Variants in HECTD2 observed in about 807,000 individuals in gnomAD.
HECTD2 encodes HECT domain E3 ubiquitin protein ligase 2.
A neutral mutation model predicts 103.2 loss-of-function variants in HECTD2; 35 were observed. The observed-to-expected ratio is 0.34, with a 90% CI of 0.26 to 0.45. The LOEUF is 0.45. Ranked by LOEUF, HECTD2 falls within the 20% of genes least tolerant of loss-of-function variation. The pLI is 1.00. For synonymous variants in HECTD2, 281 were observed against 329.9 expected (o/e 0.85, Z 1.61); for missense variants, 596 against 937.4 (o/e 0.64, Z 4.76).
intron 2 of HECTD2, among the ~76,000 whole-genome samples, chr10:91,428,657 C>T (rs1265224627): frequency 6.6e-6 from 1 of 151,516 alleles, no homozygotes; most frequent in Non-Finnish European, 1.5e-5. Flanking sequence ...TGGGAGTTCA[C>T]TCATGATTTG....
intron 2 of HECTD2, among the ~76,000 whole-genome samples, chr10:91,449,551 A>T (rs573563594): frequency 6.6e-6 from 1 of 152,182 alleles, no homozygotes; most frequent in Admixed American, 6.5e-5. Flanking sequence ...CAGGGCAATC[A>T]GGCAAGTGAG....
chr10:91,445,996 T>G (rs1043826440), intron 2 of HECTD2, among the ~76,000 whole-genome samples: 1 of 151,562 alleles, frequency 6.6e-6, no homozygotes, highest in African/African-American at 2.4e-5. Context: ...AGGAATTTTT[T>G]TTTTTATAAC....
intron 5 of HECTD2, among the ~76,000 whole-genome samples, chr10:91,470,158 T>G (rs1477379186): frequency 1.3e-5 from 2 of 152,146 alleles, no homozygotes; most frequent in Non-Finnish European, 2.9e-5. Context: ...ATTAGATGAT[T>G]GAGGAAGAAA....
Position 91,512,526 on chromosome 10 carries a change from A to G in HECTD2, c.*142A>G, listed in dbSNP as rs1847463720. 1.3e-6 allele frequency: 1 copy of G among 787,206 alleles called. No individual in the cohort carries two copies. The highest frequency in any genetic ancestry group is 2.0e-6 in the Non-Finnish European group (1 of 511,610). 48.8% of individuals were successfully genotyped at this position (787,206 alleles called of 1,614,324 possible). A position where few individuals can be genotyped will look rare whatever the true frequency, so the allele number is the denominator to read the frequency against. On this transcript the variant is annotated 3_prime_UTR_variant, in exon 21 of 21. Transcript: ENST00000298068. ...ATATTAAGTTTTTAAAAAATCAAAT[A>G]TGAAGTATGTTCAGCAAAGGCATAA...
intron 20 of HECTD2, among the ~76,000 whole-genome samples, chr10:91,503,435 C>A (rs1335100656): frequency 2.6e-5 from 4 of 151,354 alleles, no homozygotes; most frequent in African/African-American, 9.8e-5. Context: ...GTGCGCGAGC[C>A]GAAGCAGGGC....
chr10:91,427,741 G>T (rs1843631983), intron 2 of HECTD2, among the ~76,000 whole-genome samples: 1 of 152,074 alleles, frequency 6.6e-6, no homozygotes, highest in African/African-American at 2.4e-5. Flanking sequence ...GTAGATTCTG[G>T]ATATTAGCCC....
chr10:91,498,685 T>G (rs1171554006), intron 16 of HECTD2, among the ~76,000 whole-genome samples, 187 bp from the exon 17 acceptor site: 1 of 152,230 alleles, frequency 6.6e-6, no homozygotes, highest in Non-Finnish European at 1.5e-5. Flanking sequence ...AGGCACTATT[T>G]TTTAACTCCA....
intron 2 of HECTD2, among the ~76,000 whole-genome samples, chr10:91,439,055 T>G (rs904713539): frequency 2.0e-5 from 3 of 152,234 alleles, no homozygotes; most frequent in African/African-American, 7.2e-5. Flanking sequence ...TAGTTTCTTT[T>G]GCTGTGCAGG....
At chr10:91,508,913 G>T (rs1847306722) in intron 20 of HECTD2, among the ~76,000 whole-genome samples, 1 of 151,544 alleles carries the variant, frequency 6.6e-6, no homozygotes, top group Admixed American at 6.6e-5. Context: ...AGAAAATGTG[G>T]CACATATACA....
chr10:91,456,792 C>T (rs565468891), intron 2 of HECTD2, among the ~76,000 whole-genome samples: 6 of 151,896 alleles, frequency 4.0e-5, no homozygotes, highest in Admixed American at 3.9e-4. Flanking sequence ...GCCTTTAGCT[C>T]ACGGACGTAG....
chr10:91,512,028 A>G (rs1406866313), intron 20 of HECTD2, among the ~76,000 whole-genome samples: 1 of 152,202 alleles, frequency 6.6e-6, no homozygotes, highest in East Asian at 1.9e-4. Context: ...AATGAGTTTC[A>G]TGAAAGTGGT....
At chr10:91,420,600 A>G (rs1279828270) in intron 1 of HECTD2, among the ~76,000 whole-genome samples, 3 of 152,012 alleles carry the variant, frequency 2.0e-5, no homozygotes, top group African/African-American at 7.2e-5. Flanking sequence ...AAGAAAAAAA[A>G]AAAAAGAAAA....
chr10:91,444,582 T>C (rs1286269305), intron 2 of HECTD2, among the ~76,000 whole-genome samples: 1 of 152,194 alleles, frequency 6.6e-6, no homozygotes, highest in Non-Finnish European at 1.5e-5. Flanking sequence ...CATTCAGCTA[T>C]TAAGAAAAGA....
chr10:91,413,915 A>G (rs2132964507), intron 1 of HECTD2, among the ~76,000 whole-genome samples: 1 of 152,328 alleles, frequency 6.6e-6, no homozygotes, highest in African/African-American at 2.4e-5. Context: ...AAACAGAATA[A>G]AGAATTTGAA....
chr10:91,502,902 T>C (rs1309179387), intron 20 of HECTD2, among the ~76,000 whole-genome samples: 1 of 152,148 alleles, frequency 6.6e-6, no homozygotes, highest in Non-Finnish European at 1.5e-5. Context: ...CAGTGGAATC[T>C]CACATATATT....
intron 1 of HECTD2, among the ~76,000 whole-genome samples, chr10:91,414,409 G>T (rs1843039978): frequency 6.6e-6 from 1 of 152,198 alleles, no homozygotes; most frequent in South Asian, 2.1e-4. Flanking sequence ...GGTTGATGGA[G>T]TCCCTGGGAC....
chr10:91,461,806 C>T (rs1357296940), intron 4 of HECTD2, among the ~76,000 whole-genome samples: 1 of 152,156 alleles, frequency 6.6e-6, no homozygotes, highest in African/African-American at 2.4e-5. Context: ...ATGTCAGCCT[C>T]CCAAAGTTGC....
intron 2 of HECTD2, among the ~76,000 whole-genome samples, chr10:91,455,795 A>G (rs1845060304): frequency 2.0e-5 from 3 of 152,172 alleles, no homozygotes; most frequent in African/African-American, 7.2e-5. Flanking sequence ...ACATATGGCT[A>G]GCCAGTTTTC....
chr10:91,505,980 C>T (rs1435438989), intron 20 of HECTD2, among the ~76,000 whole-genome samples: 12 of 150,900 alleles, frequency 8.0e-5, no homozygotes, highest in African/African-American at 2.7e-4. Flanking sequence ...CACTCAAAGC[C>T]ACTCAACTAC....
Sources: allele counts gnomAD v4.1 joint callset (sites outside exome capture counted in the v4.1 genomes callset), GRCh38; gene constraint gnomAD v4.1.1; transcripts MANE v1.5; gene names NCBI Gene and HGNC (gene_info 2026-07-23, HGNC 2026-07-21).